The following ZNF704 variants were observed in gnomAD, a reference collection of about 807,000 sequenced individuals.
ZNF704 encodes the protein zinc finger protein 704.
ZNF704 carries 10 observed loss-of-function variants against 44.7 expected under a neutral mutation model. The observed-to-expected ratio is 0.22, with a 90% CI of 0.14 to 0.38. The LOEUF is 0.38. Among genes scored for constraint, ZNF704 ranks in the 10% least tolerant of loss-of-function variants. The pLI, the probability that ZNF704 is intolerant of heterozygous loss-of-function variation, is 1.00. For synonymous variants in ZNF704, 211 were observed against 207.6 expected, an observed-to-expected ratio of 1.02 and a Z score of -0.14; for missense variants, 390 against 545.5, an observed-to-expected ratio of 0.71 and a Z score of 2.84.
At chr8:80,736,913 G>C (rs1041961322) in intron 2 of ZNF704, among the ~76,000 whole-genome samples, 22 of 150,346 alleles carry the variant, frequency 1.5e-4, no homozygotes, top group African/African-American at 5.1e-4. Context: ...AATTAATATG[G>C]TCTAGGGCTT....
chr8:80,788,636 T>C (rs1321502930), intron 2 of ZNF704, among the ~76,000 whole-genome samples: 1 of 152,182 alleles, frequency 6.6e-6, no homozygotes, highest in Admixed American at 6.5e-5. Flanking sequence ...GAAAGGATCT[T>C]AGGTCTATGA....
At chr8:80,748,019 A>G (rs1806876636) in intron 2 of ZNF704, among the ~76,000 whole-genome samples, 1 of 152,148 alleles carries the variant, frequency 6.6e-6, no homozygotes, top group Admixed American at 6.5e-5. Context: ...AAAAATGTTT[A>G]AAGCACTTCA....
chr8:80,784,404 T>C (rs529002500), intron 2 of ZNF704, among the ~76,000 whole-genome samples: 1 of 152,208 alleles, frequency 6.6e-6, no homozygotes, highest in African/African-American at 2.4e-5. Context: ...AGAGTTTCTG[T>C]TGTTCCACTT....
intron 1 of ZNF704, among the ~76,000 whole-genome samples, chr8:80,861,055 T>C (rs1218912507): frequency 6.6e-6 from 1 of 152,176 alleles, no homozygotes; most frequent in Non-Finnish European, 1.5e-5. Context: ...CTTCTGCTGA[T>C]GCAAAAGACC....
intron 2 of ZNF704, among the ~76,000 whole-genome samples, chr8:80,752,659 A>G (rs1287460635): frequency 6.6e-6 from 1 of 152,092 alleles, no homozygotes; most frequent in African/African-American, 2.4e-5. Context: ...CTCCAGCATC[A>G]GCCTCCCTAG....
At chr8:80,771,921 C>A (rs1366949373) in intron 2 of ZNF704, among the ~76,000 whole-genome samples, 1 of 152,086 alleles carries the variant, frequency 6.6e-6, no homozygotes, top group Non-Finnish European at 1.5e-5. Flanking sequence ...AAATGCTTTT[C>A]TGCAGTGATT....
chr8:80,881,034 T>G, the ZNF704 span, among the ~76,000 whole-genome samples: 3 of 152,250 alleles, frequency 2.0e-5, no homozygotes, highest in Non-Finnish European at 2.9e-5. Flanking sequence ...GTCATGCTTC[T>G]CAAAGACTTA....
chr8:80,875,116 T>A (rs1809339042), upstream of ZNF704, among the ~76,000 whole-genome samples: 1 of 152,192 alleles, frequency 6.6e-6, no homozygotes, highest in African/African-American at 2.4e-5. Context: ...TCAAGATCGT[T>A]TGAGTTGGTT....
chr8:80,842,593 T>C lies in ZNF704; in HGVS notation c.-21-20978A>G, dbSNP rs184650293. Among the ~76,000 whole-genome samples, 198 of 152,254 alleles carry C rather than the reference T, an allele frequency of 1.3e-3. 1 individual carries two copies. Among genetic ancestry groups the C allele is most frequent in the African/African-American group, 4.4e-3 (183 of 41,540 alleles). Reference sequence around the variant, plus strand: ...AGACAGGTAAGGCCTCTGTGAGCCTTCAGTCGGCAGTGGGTCATAAGAAAA... The same window carrying C: ...AGACAGGTAAGGCCTCTGTGAGCCTCCAGTCGGCAGTGGGTCATAAGAAAA... On this transcript the variant is annotated intron_variant, in intron 1 of 8. Coordinates refer to ENST00000327835, the MANE Select transcript of ZNF704 (RefSeq NM_001033723.3).
intron 2 of ZNF704, among the ~76,000 whole-genome samples, chr8:80,803,424 C>G (rs1316582954): frequency 6.6e-6 from 1 of 152,212 alleles, no homozygotes; most frequent in Non-Finnish European, 1.5e-5. Context: ...CACTACCCAT[C>G]TTCAAACTAT....
At chr8:80,722,940 A>G (rs1037839647) in intron 2 of ZNF704, among the ~76,000 whole-genome samples, 1 of 152,256 alleles carries the variant, frequency 6.6e-6, no homozygotes, top group African/African-American at 2.4e-5. Flanking sequence ...TGTAGCAAAC[A>G]GTGAATGACC....
intron 2 of ZNF704, among the ~76,000 whole-genome samples, chr8:80,787,919 C>T (rs1807642134): frequency 6.6e-6 from 1 of 152,158 alleles, no homozygotes; most frequent in Non-Finnish European, 1.5e-5. Flanking sequence ...TTTGCCTACT[C>T]CAATGAGAGG....
At chr8:80,645,132 T>G in intron 7 of ZNF704, 1 of 1,608,724 alleles carries the variant, frequency 6.2e-7, no homozygotes, top group Non-Finnish European at 8.5e-7. Flanking sequence ...AAACTCCTCG[T>G]CGTCGTATTT....
chr8:80,727,764 C>G (rs962494576), intron 2 of ZNF704, among the ~76,000 whole-genome samples: 2 of 152,130 alleles, frequency 1.3e-5, no homozygotes, highest in African/African-American at 2.4e-5. Flanking sequence ...CCCACTGCAG[C>G]AGGAGAGCTC....
intron 2 of ZNF704, among the ~76,000 whole-genome samples, chr8:80,695,505 C>G (rs949141704): frequency 3.3e-5 from 5 of 152,214 alleles, no homozygotes; most frequent in Non-Finnish European, 7.3e-5. Context: ...CGCCCCCTCC[C>G]CTGATTCTTA....
At chr8:80,822,269 C>G (rs1170279958) in intron 1 of ZNF704, among the ~76,000 whole-genome samples, 2 of 144,038 alleles carry the variant, frequency 1.4e-5, no homozygotes, top group Non-Finnish European at 3.0e-5. Flanking sequence ...ATCCCTTCCC[C>G]CCCGCCCCCA....
intron 4 of ZNF704, among the ~76,000 whole-genome samples, chr8:80,679,781 G>C (rs1232122051): frequency 6.6e-6 from 1 of 152,206 alleles, no homozygotes; most frequent in Non-Finnish European, 1.5e-5. Context: ...ACAGGCCCAG[G>C]AGGAGCTGAA....
intron 4 of ZNF704, among the ~76,000 whole-genome samples, chr8:80,683,319 T>A (rs2131627773): frequency 6.6e-6 from 1 of 152,258 alleles, no homozygotes; most frequent in East Asian, 1.9e-4. Context: ...CTTCTCACAC[T>A]CTCACCTACC....
chr8:80,762,438 C>CCTTCTTCACA (rs1807148155), intron 2 of ZNF704, among the ~76,000 whole-genome samples: 1 of 152,118 alleles, frequency 6.6e-6, no homozygotes, highest in African/African-American at 2.4e-5. Flanking sequence ...TGGCAGGAGA[C>CCTTCTTCACA]TGAAGTGCAA....
Sources: allele counts gnomAD v4.1 joint callset (sites outside exome capture counted in the v4.1 genomes callset), GRCh38; gene constraint gnomAD v4.1.1; transcripts MANE v1.5; gene names NCBI Gene and HGNC (gene_info 2026-07-23, HGNC 2026-07-21).